Variants in MBOAT1 observed in about 807,000 individuals in gnomAD.
MBOAT1 encodes the protein membrane-bound glycerophospholipid O-acyltransferase 1.
In MBOAT1, 67 loss-of-function variants were observed where a neutral mutation model predicts 64.4. The ratio of observed to expected loss-of-function variants is 1.04; its 90% CI spans 0.85 to 1.27. The LOEUF (loss-of-function observed/expected upper bound fraction) is 1.27. Among genes scored for constraint, MBOAT1 ranks in the 50% most tolerant of loss-of-function variants. The pLI is 0.00. For synonymous variants in MBOAT1, 229 were observed against 218.9 expected (o/e 1.05, Z -0.41); for missense variants, 563 against 604.6 (o/e 0.93, Z 0.72).
At chr6:20,120,583 C>G (rs1760466450) in intron 8 of MBOAT1, among the ~76,000 whole-genome samples, 1 of 152,148 alleles carries the variant, frequency 6.6e-6, no homozygotes, top group Non-Finnish European at 1.5e-5. Flanking sequence ...GCAGGAGAAT[C>G]ACTTGAACCC....
intron 1 of MBOAT1, among the ~76,000 whole-genome samples, chr6:20,186,978 T>C (rs951292421): frequency 6.6e-6 from 1 of 152,232 alleles, no homozygotes; most frequent in Admixed American, 6.5e-5. Context: ...GTGGAAATGT[T>C]TATTGCAAAG....
In MBOAT1 at chr6:20,115,731, G is replaced by A. The variant is rs921617635; in HGVS notation, c.1012-379C>T. 5.3e-5 allele frequency among the ~76,000 whole-genome samples: 8 copies of A among 152,262 alleles called. No individual in the cohort carries two copies. The South Asian group carries it at 6.2e-4, about 12-fold the overall frequency. On this transcript the variant is annotated intron_variant, in intron 9 of 12. Transcript: ENST00000324607. ...AGTTTCATCATGGGAATTTGGTGCC[G>A]TTATGGGGACAGCTTAAATTTAATC...
rs1400447546 is a variant in MBOAT1 at position 20,143,410 on chromosome 6, G to A, written c.419+810C>T. On this transcript the variant is annotated intron_variant, in intron 4 of 12. Coordinates refer to ENST00000324607, the MANE Select transcript of MBOAT1 (RefSeq NM_001080480.3). ...TGAAGGTCAAGGAGGCCTGGGGGCCGGGGCAAGGGCAGTCAGGAACACTCA... is the reference window on the plus strand; with the variant it reads ...TGAAGGTCAAGGAGGCCTGGGGGCCAGGGCAAGGGCAGTCAGGAACACTCA... 3.3e-5 allele frequency among the ~76,000 whole-genome samples: 5 copies of A among 152,184 alleles called. No homozygotes were observed. In the East Asian group the frequency reaches 5.8e-4, roughly 18 times the overall value.
intron 1 of MBOAT1, among the ~76,000 whole-genome samples, chr6:20,178,504 T>C (rs1258814510): frequency 6.6e-6 from 1 of 152,202 alleles, no homozygotes; most frequent in Non-Finnish European, 1.5e-5. Flanking sequence ...AGAACACCAC[T>C]TCCCTTTAGA....
intron 1 of MBOAT1, among the ~76,000 whole-genome samples, chr6:20,154,490 AC>A (rs1303172555): frequency 6.6e-6 from 1 of 151,948 alleles, no homozygotes; most frequent in Non-Finnish European, 1.5e-5. Context: ...CTGAGATCGC[AC>A]CACTGCACTC....
intron 3 of MBOAT1, among the ~76,000 whole-genome samples, chr6:20,150,037 T>A (rs1472502476): frequency 6.6e-5 from 10 of 152,214 alleles, no homozygotes; most frequent in African/African-American, 2.4e-4. Context: ...GAGAGAGAAA[T>A]CTTTGTTTTC....
intron 1 of MBOAT1, among the ~76,000 whole-genome samples, chr6:20,183,548 T>C (rs1243564899): frequency 3.3e-5 from 5 of 152,242 alleles, no homozygotes; most frequent in Non-Finnish European, 7.3e-5. Flanking sequence ...TTATTAGCTG[T>C]GTAAGTCAAA....
chr6:20,157,539 C>T lies in MBOAT1; in HGVS notation c.100-4770G>A, dbSNP rs1337281488. Among the ~76,000 whole-genome samples the T allele has an allele frequency of 2.6e-5, 4 of 151,986 alleles. No individual in the cohort carries two copies. The East Asian group carries it at 5.8e-4, about 22-fold the overall frequency. ...AAAGGTAAAATTACATGTAGAATTG[C>T]CCACACATTCCCTGCACTACCTACG... On this transcript the variant is annotated intron_variant, in intron 1 of 12. Transcript: ENST00000324607.
Position 20,212,431 on chromosome 6 carries a change from T to G in MBOAT1, c.-197A>C, listed in dbSNP as rs2328392. The G allele has an allele frequency of 0.037, 21,342 of 583,076 alleles. 1,059 individuals carry two copies. Among genetic ancestry groups the G allele is most frequent in the African/African-American group, 0.18 (9,274 of 51,182 alleles). 36.1% of individuals were successfully genotyped at this position (583,076 alleles called of 1,614,324 possible). A position where few individuals can be genotyped will look rare whatever the true frequency, so the allele number is the denominator to read the frequency against. On this transcript the variant is annotated 5_prime_UTR_variant, in exon 1 of 13. Transcript: ENST00000324607. ...CAAACTCTCGAGGCGCAAACTTGGC[T>G]TTGGCGCTGGCGCTGCAGCCACGGG...
rs554321956 is a variant in MBOAT1, at chr6:20,169,635, G to GA, written c.100-16867dup. Among the ~76,000 whole-genome samples the GA allele has an allele frequency of 2.5e-4, 38 of 150,542 alleles. 1 individual carries two copies. Among genetic ancestry groups the GA allele is most frequent in the Admixed American group, 1.8e-3 (28 of 15,196 alleles). On this transcript the variant is annotated intron_variant, in intron 1 of 12. Transcript: ENST00000324607. Reference sequence around the variant, plus strand: ...AAAAAAAAAGAAAAGTAAAGAAAAAGAAAAAACCTTATCCCACCCAACAGC... The same window carrying GA: ...AAAAAAAAAGAAAAGTAAAGAAAAAGAAAAAAACCTTATCCCACCCAACAGC...
chr6:20,108,538 A>G (rs1404323142), intron 12 of MBOAT1, among the ~76,000 whole-genome samples: 2 of 152,232 alleles, frequency 1.3e-5, no homozygotes, highest in Non-Finnish European at 2.9e-5. Context: ...CCACTTATAG[A>G]CACTGATACA....
intron 8 of MBOAT1, among the ~76,000 whole-genome samples, chr6:20,119,414 T>C (rs1436883745): frequency 1.3e-5 from 2 of 152,204 alleles, no homozygotes; most frequent in Non-Finnish European, 2.9e-5. Flanking sequence ...TAGAATATTT[T>C]CTAAGAAAAA....
At chr6:20,108,986 A>G (rs1048605986) in intron 12 of MBOAT1, among the ~76,000 whole-genome samples, 2 of 152,288 alleles carry the variant, frequency 1.3e-5, no homozygotes, top group African/African-American at 2.4e-5. Flanking sequence ...TAACTGTGAA[A>G]GAATAAAAGT....
chr6:20,189,327 G>A (rs1414306437), intron 1 of MBOAT1, among the ~76,000 whole-genome samples: 1 of 152,178 alleles, frequency 6.6e-6, no homozygotes, highest in Non-Finnish European at 1.5e-5. Flanking sequence ...GTCAAGCTAA[G>A]TACCATATGT....
intron 1 of MBOAT1, among the ~76,000 whole-genome samples, chr6:20,161,309 T>A (rs961983963): frequency 4.6e-5 from 7 of 151,750 alleles, no homozygotes; most frequent in Non-Finnish European, 1.0e-4. Flanking sequence ...AGCTCAGGGC[T>A]CCCTCTAACT....
chr6:20,206,811 C>T (rs1393798379), intron 1 of MBOAT1, among the ~76,000 whole-genome samples: 1 of 152,112 alleles, frequency 6.6e-6, no homozygotes, highest in Non-Finnish European at 1.5e-5. Context: ...CAGACTTTCA[C>T]CCCCACCCTC....
intron 4 of MBOAT1, among the ~76,000 whole-genome samples, chr6:20,136,708 T>C (rs1761006175): frequency 6.6e-6 from 1 of 152,208 alleles, no homozygotes; most frequent in Non-Finnish European, 1.5e-5. Flanking sequence ...ACAGCAGTTG[T>C]TCCAATTCTG....
At chr6:20,187,127 C>T (rs1016455819) in intron 1 of MBOAT1, among the ~76,000 whole-genome samples, 1 of 152,212 alleles carries the variant, frequency 6.6e-6, no homozygotes, top group African/African-American at 2.4e-5. Context: ...AATGTTTAAA[C>T]GCCGACCAAC....
chr6:20,131,242 A>G, intron 4 of MBOAT1, 43 bp from the exon 5 acceptor site: 1 of 1,560,260 alleles, frequency 6.4e-7, no homozygotes, highest in Non-Finnish European at 8.8e-7. Context: ...CAAGAAGGCC[A>G]TTGATGTGGT....
Sources: allele counts gnomAD v4.1 joint callset (sites outside exome capture counted in the v4.1 genomes callset), GRCh38; gene constraint gnomAD v4.1.1; transcripts MANE v1.5; gene names NCBI Gene and HGNC (gene_info 2026-07-23, HGNC 2026-07-21).